Variants in KLF16 observed in about 807,000 individuals in gnomAD.
KLF16 encodes Krueppel-like factor 16.
In KLF16, 6 loss-of-function variants were observed where a neutral mutation model predicts 6.1. The ratio of observed to expected loss-of-function variants is 0.98; its 90% CI spans 0.54 to 1.93. The LOEUF is 1.93. Ranked by LOEUF, KLF16 falls within the 30% of genes most tolerant of loss-of-function variation. The probability of loss-of-function intolerance (pLI) is 0.01; values close to 1 mark genes in which losing one functional copy is unlikely to be tolerated. For missense variants in KLF16, 355 were observed against 363.8 expected (o/e 0.98, Z 0.20); for synonymous variants, 211 against 176.5 (o/e 1.20, Z -1.55).
rs148718674 is a variant in KLF16 at position 1,854,123 on chromosome 19, C to G, written c.*336G>C. ...GCTCCCAGAAGTCCACTCCACCCCC[C>G]CAAACCCCACCCCGGGAGGGGGGCA... is the stretch of plus-strand genomic sequence containing the variant. On this transcript the variant is annotated 3_prime_UTR_variant, in exon 2 of 2. Transcript: ENST00000250916. 6.5e-5 allele frequency: 18 copies of G among 277,940 alleles called. No individual in the cohort carries two copies. The highest frequency in any genetic ancestry group is 1.0e-4 in the Non-Finnish European group (15 of 150,494). 17.2% of individuals were successfully genotyped at this position (277,940 alleles called of 1,614,324 possible). A position where few individuals can be genotyped will look rare whatever the true frequency, so the allele number is the denominator to read the frequency against.
At chr19:1,866,113 G>A (rs1482837656), upstream of KLF16, among the ~76,000 whole-genome samples, 1 of 152,028 alleles carries the variant, frequency 6.6e-6, no homozygotes, top group Non-Finnish European at 1.5e-5. Context: ...AGACTAGCCT[G>A]GCCAATGTGG....
intron 1 of KLF16, among the ~76,000 whole-genome samples, chr19:1,860,599 G>GA (rs1402019006): frequency 1.3e-5 from 2 of 152,100 alleles, no homozygotes; most frequent in Non-Finnish European, 2.9e-5. Flanking sequence ...AGCCACCGGT[G>GA]ACTCGGGTTC....
upstream of KLF16, among the ~76,000 whole-genome samples, chr19:1,865,526 G>C (rs1052204394): frequency 3.9e-5 from 6 of 152,246 alleles, no homozygotes; most frequent in African/African-American, 1.4e-4. Context: ...GGGGCTTACA[G>C]TTGTAACTGG....
chr19:1,858,450 G>A (rs2011997766), intron 1 of KLF16, among the ~76,000 whole-genome samples: 1 of 152,198 alleles, frequency 6.6e-6, no homozygotes, highest in African/African-American at 2.4e-5. Context: ...TGCATCTTGT[G>A]GGTGTAATAT....
rs1264383925 is a variant in KLF16 at position 1,854,734 on chromosome 19, G to T, written c.484C>A (p.Gln162Lys). 3 of 1,598,798 alleles carry T rather than the reference G, an allele frequency of 1.9e-6. No homozygotes were observed. Among genetic ancestry groups the T allele is most frequent in the Non-Finnish European group, 2.5e-6 (3 of 1,179,500 alleles). Residue 162 changes from glutamine (Q) to lysine (K), a missense_variant, in exon 2 of 2, where the codon CAG becomes AAG. By Grantham distance (53) the Gln-to-Lys change is moderately conservative. Coordinates refer to ENST00000250916, the MANE Select transcript of KLF16 (RefSeq NM_031918.4). ...TGERPFACDW[Q>K]GCDKKFARSD... ...CGGGCGAACTTCTTGTCGCAGCCCTGCCAGTCACAAGCAAAAGGGCGTTCC... is the reference window on the plus strand; with the variant it reads ...CGGGCGAACTTCTTGTCGCAGCCCTTCCAGTCACAAGCAAAAGGGCGTTCC...
chr19:1,868,015 TCTTTG>T (rs957251570), upstream of KLF16, among the ~76,000 whole-genome samples: 11 of 151,720 alleles, frequency 7.3e-5, no homozygotes, highest in Admixed American at 2.6e-4. Flanking sequence ...GACAGTCGGG[TCTTTG>T]CTTTGTGATA....
upstream of KLF16, among the ~76,000 whole-genome samples, chr19:1,868,489 T>A (rs1423087656): frequency 1.5e-4 from 13 of 83,986 alleles, 1 homozygote; most frequent in Admixed American, 6.1e-4. Context: ...TTTTTTTTTT[T>A]TTTTTTTTTG....
chr19:1,854,164 G>A lies in KLF16; in HGVS notation c.*295C>T. 2.8e-6 allele frequency: 1 copy of A among 353,670 alleles called. No individual in the cohort carries two copies. Among genetic ancestry groups the A allele is most frequent in the East Asian group, 4.7e-5 (1 of 21,478 alleles). 21.9% of individuals were successfully genotyped at this position (353,670 alleles called of 1,614,324 possible). A position where few individuals can be genotyped will look rare whatever the true frequency, so the allele number is the denominator to read the frequency against. Reference sequence around the variant, plus strand: ...GAGGGGGGCAGCAGGGGGTGGTGGAGAGGAGAGGGGAGGACCTCCTAGCTG... The same window carrying A: ...GAGGGGGGCAGCAGGGGGTGGTGGAAAGGAGAGGGGAGGACCTCCTAGCTG... On this transcript the variant is annotated 3_prime_UTR_variant, in exon 2 of 2. Coordinates refer to ENST00000250916, the MANE Select transcript of KLF16 (RefSeq NM_031918.4).
chr19:1,876,204 T>C, the KLF16 span: 10 of 152,868 alleles, frequency 6.5e-5, no homozygotes, highest in South Asian at 1.4e-3. Flanking sequence ...CTTCCGTCCG[T>C]GCTGCGGCCC....
At chr19:1,860,101 G>C (rs2012032934) in intron 1 of KLF16, 1 of 147,690 alleles carries the variant, frequency 6.8e-6, no homozygotes, top group Non-Finnish European at 1.5e-5. Flanking sequence ...CGGTGTGCCG[G>C]GCACTGGCAT....
chr19:1,876,236 T>C, the KLF16 span: 1 of 152,426 alleles, frequency 6.6e-6, no homozygotes, highest in African/African-American at 2.4e-5. Flanking sequence ...CAGCGCCTTC[T>C]CGCGCCCAGA....
chr19:1,861,591 C>G (rs1169743731), intron 1 of KLF16: 3 of 152,330 alleles, frequency 2.0e-5, no homozygotes, highest in Admixed American at 6.5e-5. Context: ...CAGACCCCAC[C>G]CAAGTCCTGT....
Position 1,854,098 on chromosome 19 carries a change from G to A in KLF16, c.*361C>T, listed in dbSNP as rs1029187010. 2.1e-5 allele frequency: 5 copies of A among 239,222 alleles called. No homozygotes were observed. The highest frequency in any genetic ancestry group is 1.2e-3 in the Middle Eastern group (1 of 840). The allele number at this position is 239,222 out of a possible 1,614,324, so 14.8% of individuals were successfully genotyped here. On this transcript the variant is annotated 3_prime_UTR_variant, in exon 2 of 2. Transcript: ENST00000250916. ...GGCAGGGGGTGCTTTCCCCGGGCCG[G>A]CTCCCAGAAGTCCACTCCACCCCCC... is the stretch of plus-strand genomic sequence containing the variant.
chr19:1,867,931 TG>T (rs1227055147), upstream of KLF16, among the ~76,000 whole-genome samples: 4 of 55,078 alleles, frequency 7.3e-5, no homozygotes, highest in African/African-American at 1.5e-4. Flanking sequence ...TAAGGACGTG[TG>T]TGTGTGTGTG....
Position 1,863,154 on chromosome 19 carries a change from G to C in KLF16, c.344C>G (p.Ala115Gly). Residue 115 changes from alanine (A) to glycine (G), a missense_variant, in exon 1 of 2, where the codon GCC becomes GGC. By Grantham distance (60) the Ala-to-Gly change is moderately conservative. Transcript: ENST00000250916. Reference sequence around the variant, plus strand: ...GGCGGCGGAGGGCGCGGCGCCGGGGGCGCGGCCCGAGGACGGGGACGAGGC... The same window carrying C: ...GGCGGCGGAGGGCGCGGCGCCGGGGCCGCGGCCCGAGGACGGGGACGAGGC... ...SAASSPSSGRAPGAAPSAAAK... is the reference protein window; with the variant it reads ...SAASSPSSGRGPGAAPSAAAK... 1.5e-6 allele frequency: 2 copies of C among 1,305,444 alleles called. No individual in the cohort carries two copies. The highest frequency in any genetic ancestry group is 9.9e-7 in the Non-Finnish European group (1 of 1,009,170). 80.9% of individuals were successfully genotyped at this position (1,305,444 alleles called of 1,614,324 possible).
intron 1 of KLF16, among the ~76,000 whole-genome samples, chr19:1,859,648 C>G (rs2012023092): frequency 6.6e-6 from 1 of 152,102 alleles, no homozygotes; most frequent in Non-Finnish European, 1.5e-5. Flanking sequence ...GGGCCTCAGG[C>G]TGCCTCCTCC....
Position 1,852,516 on chromosome 19 carries a change from C to G in KLF16, c.*1943G>C, listed in dbSNP as rs960404503. The G allele has an allele frequency of 6.6e-6, 1 of 152,144 alleles. No homozygotes were observed. The highest frequency in any genetic ancestry group is 2.4e-5 in the African/African-American group (1 of 41,414). 9.4% of individuals were successfully genotyped at this position (152,144 alleles called of 1,614,324 possible). ...CTCTCGGAGCCGCCTCCCCTGCAAA[C>G]GGCTGGAACCAGGTCCCAGTGATCA... is the stretch of plus-strand genomic sequence containing the variant. On this transcript the variant is annotated 3_prime_UTR_variant, in exon 2 of 2. Transcript: ENST00000250916.
At chr19:1,862,720 A>T in intron 1 of KLF16, 1 of 323,352 alleles carries the variant, frequency 3.1e-6, no homozygotes, top group Non-Finnish European at 5.6e-6. Flanking sequence ...CGCAAAAGAA[A>T]AAAAAAAAAA....
intron 1 of KLF16, among the ~76,000 whole-genome samples, chr19:1,862,549 C>T (rs1172794854): frequency 6.6e-6 from 1 of 152,028 alleles, no homozygotes; most frequent in African/African-American, 2.4e-5. Context: ...ACGCCAGGTG[C>T]TCTGCCGACC....
Sources: gnomAD v4.1 joint callset for allele counts (sites outside exome capture counted in the v4.1 genomes callset) on GRCh38, gnomAD v4.1.1 for gene constraint, MANE v1.5 for transcripts, NCBI Gene and HGNC (gene_info 2026-07-23, HGNC 2026-07-21) for gene names.